NXPE2: variants seen among roughly 807,000 people sequenced by gnomAD.
NXPE2 encodes NXPE family member 2.
Under a neutral mutation model 34.4 loss-of-function variants are expected in NXPE2, and 34 were observed. The observed-to-expected ratio is 0.99, with a 90% CI of 0.75 to 1.31. NXPE2 has a LOEUF of 1.31. Ranked by LOEUF, NXPE2 falls within the 40% of genes most tolerant of loss-of-function variation. The probability of loss-of-function intolerance (pLI) is 0.00; values close to 1 mark genes in which losing one functional copy is unlikely to be tolerated. For synonymous variants in NXPE2, 235 were observed against 231.3 expected (o/e 1.02, Z -0.15); for missense variants, 649 against 672.5 (o/e 0.97, Z 0.39).
the NXPE2 span, chr11:114,553,955 A>G: frequency 1.0e-6 from 1 of 985,400 alleles, no homozygotes; most frequent in Non-Finnish European, 1.2e-6. Flanking sequence ...CAGGTTTGTC[A>G]GTATACCCCT....
the NXPE2 span, among the ~76,000 whole-genome samples, chr11:114,592,551 T>C: frequency 1.9e-4 from 29 of 151,624 alleles, no homozygotes; most frequent in African/African-American, 5.8e-4. Context: ...ACACACAAAA[T>C]AGATATTCCA....
At chr11:114,491,803 G>T in the NXPE2 span, among the ~76,000 whole-genome samples, 133 of 152,240 alleles carry the variant, frequency 8.7e-4, no homozygotes, top group Non-Finnish European at 1.3e-3. Context: ...ATGTGGCACA[G>T]ATACACCATG....
the NXPE2 span, chr11:114,580,043 A>G: frequency 8.8e-7 from 1 of 1,135,220 alleles, no homozygotes; most frequent in Non-Finnish European, 1.3e-6. Context: ...TATGAAAAAA[A>G]GAGGAATTTC....
chr11:114,534,931 C>T, the NXPE2 span, among the ~76,000 whole-genome samples: 6 of 152,098 alleles, frequency 3.9e-5, no homozygotes, highest in Non-Finnish European at 5.9e-5. Context: ...ATACAGAGAA[C>T]GCCACTAAGA....
At chr11:114,800,583 T>G in the NXPE2 span, among the ~76,000 whole-genome samples, 1 of 152,230 alleles carries the variant, frequency 6.6e-6, no homozygotes, top group Admixed American at 6.5e-5. Context: ...AGTAGAGTGT[T>G]GAATTTGTTA....
chr11:114,624,174 A>C, the NXPE2 span, among the ~76,000 whole-genome samples: 3 of 151,564 alleles, frequency 2.0e-5, no homozygotes, highest in African/African-American at 4.8e-5. Flanking sequence ...GTTATATGGT[A>C]GATAATAACT....
At chr11:114,514,835 ATGAC>A in the NXPE2 span, among the ~76,000 whole-genome samples, 2 of 152,016 alleles carry the variant, frequency 1.3e-5, no homozygotes, top group African/African-American at 4.8e-5. Context: ...TTTCCTCTCT[ATGAC>A]TGTATTTTTT....
At chr11:114,480,463 C>A in the NXPE2 span, among the ~76,000 whole-genome samples, 3 of 152,308 alleles carry the variant, frequency 2.0e-5, no homozygotes, top group African/African-American at 7.2e-5. Flanking sequence ...GGTCCATGAG[C>A]AGCCACCTTT....
At chr11:114,801,171 G>A in the NXPE2 span, among the ~76,000 whole-genome samples, 4 of 152,042 alleles carry the variant, frequency 2.6e-5, no homozygotes, top group African/African-American at 9.7e-5. Flanking sequence ...TAGAAAGAGA[G>A]AAAATATAAA....
chr11:114,752,976 G>A, the NXPE2 span, among the ~76,000 whole-genome samples: 1 of 152,178 alleles, frequency 6.6e-6, no homozygotes, highest in African/African-American at 2.4e-5. Context: ...CTAAGATTTG[G>A]AGATCGGGGA....
At chr11:114,490,027 T>C in the NXPE2 span, among the ~76,000 whole-genome samples, 2 of 152,154 alleles carry the variant, frequency 1.3e-5, no homozygotes, top group African/African-American at 4.8e-5. Flanking sequence ...ACAAAATCAA[T>C]GTGCAAAAAT....
chr11:114,802,913 CGG>C, the NXPE2 span, among the ~76,000 whole-genome samples: 1 of 106,940 alleles, frequency 9.4e-6, no homozygotes, highest in Non-Finnish European at 2.2e-5. Context: ...TAAAAAAAAA[CGG>C]AGAATTAGGA....
chr11:114,806,501 A>G, the NXPE2 span, among the ~76,000 whole-genome samples: 1 of 152,224 alleles, frequency 6.6e-6, no homozygotes, highest in South Asian at 2.1e-4. Flanking sequence ...AAGTCCTTAA[A>G]GGACCTGATG....
chr11:114,509,156 C>G, the NXPE2 span, among the ~76,000 whole-genome samples: 1 of 152,152 alleles, frequency 6.6e-6, no homozygotes, highest in Admixed American at 6.5e-5. Flanking sequence ...AAACAAAGCT[C>G]AACATCACTA....
At chr11:114,498,420 C>T in the NXPE2 span, among the ~76,000 whole-genome samples, 1 of 152,006 alleles carries the variant, frequency 6.6e-6, no homozygotes, top group Admixed American at 6.6e-5. Flanking sequence ...ACATGTACTA[C>T]ATAAATGTGT....
chr11:114,603,643 T>A, the NXPE2 span, among the ~76,000 whole-genome samples: 1 of 151,806 alleles, frequency 6.6e-6, no homozygotes, highest in Non-Finnish European at 1.5e-5. Flanking sequence ...TCCTATTACC[T>A]GGTGGATGGC....
the NXPE2 span, among the ~76,000 whole-genome samples, chr11:114,640,019 TATA>T: frequency 2.5e-5 from 3 of 120,518 alleles, no homozygotes; most frequent in African/African-American, 1.0e-4. Context: ...TATATTATTT[TATA>T]ATGTAACATA....
the NXPE2 span, among the ~76,000 whole-genome samples, chr11:114,770,282 C>T: frequency 2.0e-5 from 3 of 152,304 alleles, no homozygotes; most frequent in South Asian, 6.2e-4. Flanking sequence ...GGGTTAGTTG[C>T]CATTTATCTT....
the NXPE2 span, among the ~76,000 whole-genome samples, chr11:114,537,491 G>T: frequency 6.6e-6 from 1 of 152,162 alleles, no homozygotes; most frequent in African/African-American, 2.4e-5. Context: ...AAGTCAGATT[G>T]TCCCTGTTTG....
Sources: gnomAD v4.1 joint callset for allele counts (sites outside exome capture counted in the v4.1 genomes callset) on GRCh38, gnomAD v4.1.1 for gene constraint, MANE v1.5 for transcripts, NCBI Gene and HGNC (gene_info 2026-07-23, HGNC 2026-07-21) for gene names.